Variants in C16orf46 observed in about 807,000 individuals in gnomAD.
C16orf46 encodes the protein uncharacterized protein C16orf46.
Under a neutral mutation model 5.5 loss-of-function variants are expected in C16orf46, and 7 were observed. The ratio of observed to expected loss-of-function variants is 1.28; its 90% CI spans 0.73 to 2.40. The LOEUF is 2.40. Ranked by LOEUF, C16orf46 falls within the 30% of genes most tolerant of loss-of-function variation. The pLI is 0.00. For synonymous variants in C16orf46, 200 were observed against 184.1 expected (o/e 1.09, Z -0.70); for missense variants, 614 against 476.0 (o/e 1.29, Z -2.70).
In C16orf46 at chr16:81,061,762, C is replaced by A. The variant is rs755158909; in HGVS notation, c.587G>T (p.Gly196Val). ...SGNPSGGAHR[G>V]LSIPGPLTSR... ...AGTCAGGGGGCCTGGGATGGACAGC[C>A]CTCTGTGGGCCCCTCCACTGGGATT... is the stretch of plus-strand genomic sequence containing the variant. Residue 196 changes from glycine (G) to valine (V), a missense_variant, in exon 4 of 4, where the codon GGG becomes GTG. Transcript: ENST00000299578. The A allele has an allele frequency of 1.2e-6, 2 of 1,613,808 alleles. No individual in the cohort carries two copies. The highest frequency in any genetic ancestry group is 8.5e-7 in the Non-Finnish European group (1 of 1,179,900).
intron 1 of C16orf46, among the ~76,000 whole-genome samples, chr16:81,070,876 T>C (rs115566957): frequency 0.012 from 1,783 of 152,240 alleles, 36 homozygotes; most frequent in African/African-American, 0.04. Context: ...CTTATAGTCA[T>C]GTATAGTTTC....
chr16:81,076,969 C>G (rs1441378408), intron 1 of C16orf46, 167 bp downstream of exon 1: 2 of 152,380 alleles, frequency 1.3e-5, no homozygotes, highest in African/African-American at 4.8e-5. Context: ...CCTCAGGCCC[C>G]GCCCCTCCCC....
In C16orf46 at chr16:81,061,299, G is replaced by C. The variant is rs768535543; in HGVS notation, c.1050C>G (p.Thr350=). The C allele has an allele frequency of 6.2e-6, 10 of 1,614,074 alleles. No homozygotes were observed. The highest frequency in any genetic ancestry group is 1.3e-5 in the African/African-American group (1 of 75,000). Residue 350 remains threonine, a synonymous_variant, in exon 4 of 4, where the codon ACC becomes ACG. Transcript: ENST00000299578. The part of the protein sequence containing the change: ...KAKEPRSPVI[T]RKHVLPKAKQ... ...TGGCCTTTGGGAGAACATGCTTTCG[G>C]GTGATCACAGGAGATCTTGGCTCCT...
At position 81,065,182 on chromosome 16, in the gene C16orf46, G is replaced by A. The variant is rs542293595; in HGVS notation, c.-39+1011C>T. 4.9e-4 allele frequency among the ~76,000 whole-genome samples: 75 copies of A among 152,198 alleles called. No homozygotes were observed. The Middle Eastern group carries it at 0.014, about 28-fold the overall frequency. The stretch of plus-strand genomic sequence containing the variant: ...GGTCTGTTTGCTCATCTATAAAAAG[G>A]GCTAAAGCGGCTGCATGCGATGGCT... On this transcript the variant is annotated intron_variant, in intron 2 of 3. Coordinates refer to ENST00000299578, the MANE Select transcript of C16orf46 (RefSeq NM_152337.3).
At position 81,061,484 on chromosome 16, in the gene C16orf46, A is replaced by G; in HGVS notation, c.865T>C (p.Ser289Pro). Residue 289 changes from serine (S) to proline (P), a missense_variant, in exon 4 of 4, where the codon TCC becomes CCC. Coordinates refer to ENST00000299578, the MANE Select transcript of C16orf46 (RefSeq NM_152337.3). ...PSSPSPAAQI[S>P]LLTDPEQRCL... ...CGCTGCTCCGGATCGGTCAGCAGGG[A>G]TATCTGGGCCGCTGGGGAAGGGGAG... 1 of 1,614,102 alleles carries G rather than the reference A, an allele frequency of 6.2e-7. No individual in the cohort carries two copies. The highest frequency in any genetic ancestry group is 1.1e-5 in the South Asian group (1 of 91,080).
intron 3 of C16orf46, 140 bp downstream of exon 3, chr16:81,063,606 T>C: frequency 1.4e-6 from 1 of 700,192 alleles, no homozygotes; most frequent in Non-Finnish European, 2.4e-6. Flanking sequence ...ATCAGTAATA[T>C]TTTACCTCAA....
At chr16:81,068,442 A>G (rs1420296349) in intron 1 of C16orf46, among the ~76,000 whole-genome samples, 1 of 152,262 alleles carries the variant, frequency 6.6e-6, no homozygotes, top group African/African-American at 2.4e-5. Context: ...CTATGTGGAA[A>G]GAGACCACCC....
Position 81,068,892 on chromosome 16 carries a change from A to G in C16orf46, c.-127-2611T>C, listed in dbSNP as rs185384515. On this transcript the variant is annotated intron_variant, in intron 1 of 3. Coordinates refer to ENST00000299578, the MANE Select transcript of C16orf46 (RefSeq NM_152337.3). Reference sequence around the variant, plus strand: ...AATTTTTTTTGTATTTTTAGTAGAGACAGGGTTTCACCATGTTGGCCAAGC... The same window carrying G: ...AATTTTTTTTGTATTTTTAGTAGAGGCAGGGTTTCACCATGTTGGCCAAGC... Among the ~76,000 whole-genome samples the G allele has an allele frequency of 2.3e-3, 342 of 151,510 alleles. 2 individuals carry two copies. Among genetic ancestry groups the G allele is most frequent in the African/African-American group, 7.9e-3 (326 of 41,224 alleles).
At position 81,067,742 on chromosome 16, in the gene C16orf46, G is replaced by A. The variant is rs28369330; in HGVS notation, c.-127-1461C>T. Among the ~76,000 whole-genome samples, 391 of 152,116 alleles carry A rather than the reference G, an allele frequency of 2.6e-3. 2 individuals carry two copies. Among genetic ancestry groups the A allele is most frequent in the African/African-American group, 8.9e-3 (369 of 41,508 alleles). On this transcript the variant is annotated intron_variant, in intron 1 of 3. Coordinates refer to ENST00000299578, the MANE Select transcript of C16orf46 (RefSeq NM_152337.3). ...TAATTTTTGTATTTTTAGTAGAAAC[G>A]GAGTTTTACCATGCTGGCCAGGCTG...
Position 81,062,053 on chromosome 16 carries a change from C to G in C16orf46, c.296G>C (p.Cys99Ser). 1.2e-6 allele frequency: 2 copies of G among 1,613,096 alleles called. No individual in the cohort carries two copies. The highest frequency in any genetic ancestry group is 1.7e-6 in the Non-Finnish European group (2 of 1,179,992). ...PKKARVGEGA[C>S]SDCLVCVNLS... is the part of the protein sequence containing the mutation. ...GTTAACACACACCAAGCAGTCGCTG[C>G]AGGCACCTTCCCCTACCCTCGCCTT... Residue 99 changes from cysteine to serine, a missense_variant, in exon 4 of 4, where the codon TGC (cysteine) becomes TCC (serine). By Grantham distance (112) the Cys-to-Ser change is moderately radical (BLOSUM62 -1). Coordinates refer to ENST00000299578, the MANE Select transcript of C16orf46 (RefSeq NM_152337.3).
Position 81,061,414 on chromosome 16 carries a change from G to T in C16orf46, c.935C>A (p.Pro312His), listed in dbSNP as rs1407703907. The T allele has an allele frequency of 1.2e-6, 2 of 1,614,066 alleles. No homozygotes were observed. Among genetic ancestry groups the T allele is most frequent in the Non-Finnish European group, 1.7e-6 (2 of 1,180,048 alleles). Residue 312 changes from proline to histidine, a missense_variant, in exon 4 of 4, where the codon CCT becomes CAT. Coordinates refer to ENST00000299578, the MANE Select transcript of C16orf46 (RefSeq NM_152337.3). Reference protein sequence around the residue: ...SLLSEKNLACPPDPSNVRYLA... With the variant: ...SLLSEKNLACHPDPSNVRYLA... ...GTAGCGAACGTTGCTGGGGTCTGGA[G>T]GGCACGCCAGGTTTTTCTCAGACAG... is the stretch of plus-strand genomic sequence containing the variant.
chr16:81,066,186 T>G lies in C16orf46; in HGVS notation c.-39+7A>C, dbSNP rs1971649722. 6.6e-6 allele frequency: 1 copy of G among 152,060 alleles called. No homozygotes were observed. The highest frequency in any genetic ancestry group is 1.5e-5 in the Non-Finnish European group (1 of 68,018). 9.4% of individuals were successfully genotyped at this position (152,060 alleles called of 1,614,324 possible). A position where few individuals can be genotyped will look rare whatever the true frequency, so the allele number is the denominator to read the frequency against. On this transcript the variant is annotated splice_region_variant and intron_variant, in intron 2 of 3. Coordinates refer to ENST00000299578, the MANE Select transcript of C16orf46 (RefSeq NM_152337.3). ...ATTATTAATCAGAAGGTCAGATTAC[T>G]GCATACCAGATCACCAGATGCACCT...
chr16:81,075,840 G>A (rs1055139917), intron 1 of C16orf46, among the ~76,000 whole-genome samples: 1 of 152,108 alleles, frequency 6.6e-6, no homozygotes, highest in Admixed American at 6.6e-5. Flanking sequence ...GAATGTTGAA[G>A]GACCAGGAGA....
At chr16:81,057,119 T>A (rs1971321305), downstream of C16orf46, among the ~76,000 whole-genome samples, 1 of 152,100 alleles carries the variant, frequency 6.6e-6, no homozygotes, top group Admixed American at 6.6e-5. Flanking sequence ...CAAAGAATGA[T>A]CCAGCCCCAA....
intron 3 of C16orf46, chr16:81,054,137 T>C: frequency 6.3e-7 from 1 of 1,589,112 alleles, no homozygotes; most frequent in Non-Finnish European, 8.6e-7. Flanking sequence ...GTAGAGCCCA[T>C]GCTGCAATGA....
exon 4 of C16orf46, chr16:81,053,735 G>A (rs1184694715): frequency 1.4e-5 from 3 of 220,862 alleles, no homozygotes; most frequent in South Asian, 1.4e-4. Context: ...CAGTGAAATA[G>A]TCCAATGTAT....
intron 1 of C16orf46, among the ~76,000 whole-genome samples, chr16:81,067,536 TG>T (rs1179394057): frequency 6.6e-6 from 1 of 152,102 alleles, no homozygotes; most frequent in African/African-American, 2.4e-5. Flanking sequence ...AAATAAATGT[TG>T]TTTTTTGTTT....
intron 1 of C16orf46, among the ~76,000 whole-genome samples, chr16:81,067,875 A>C (rs952178779): frequency 6.6e-6 from 1 of 152,202 alleles, no homozygotes; most frequent in African/African-American, 2.4e-5. Context: ...TGCAGTAAAG[A>C]CCTTGAACAA....
downstream of C16orf46, among the ~76,000 whole-genome samples, chr16:81,059,338 A>C (rs1436672887): frequency 6.6e-6 from 1 of 151,588 alleles, no homozygotes; most frequent in Non-Finnish European, 1.5e-5. Context: ...AAAAAAAAAA[A>C]AAAACCCTAG....
Sources: gnomAD v4.1 joint callset for allele counts (sites outside exome capture counted in the v4.1 genomes callset) on GRCh38, gnomAD v4.1.1 for gene constraint, MANE v1.5 for transcripts, NCBI Gene and HGNC (gene_info 2026-07-23, HGNC 2026-07-21) for gene names.